Variants in MPP7 observed in about 807,000 individuals in gnomAD.
MPP7 encodes MAGUK p55 scaffold protein 7, also known as MAGUK p55 subfamily member 7.
In MPP7, 60 loss-of-function variants were observed where a neutral mutation model predicts 76.5. The observed-to-expected ratio is 0.78, with a 90% confidence interval of 0.64 to 0.97. The LOEUF is 0.97. MPP7 is among the 50% of genes least tolerant of loss of function. The pLI, the probability that MPP7 is intolerant of heterozygous loss-of-function variation, is 0.00. For synonymous variants in MPP7, 237 were observed against 244.5 expected (o/e 0.97, Z 0.29); for missense variants, 641 against 694.0 (o/e 0.92, Z 0.86).
At position 28,052,879 on chromosome 10, in the gene MPP7, C is replaced by T. The variant is rs1218319583; in HGVS notation, c.*1186G>A. On this transcript the variant is annotated 3_prime_UTR_variant, in exon 17 of 17. Coordinates refer to ENST00000683449, the MANE Select transcript of MPP7 (RefSeq NM_001318170.2). ...CGGCAGGATATGCTCTCTTATAGAA[C>T]GGATAGACATTTCTAGCATTTTGAA... 2.6e-5 allele frequency: 4 copies of T among 151,890 alleles called. No homozygotes were observed. The East Asian group carries it at 5.8e-4, about 22-fold the overall frequency. The allele number at this position is 151,890 out of a possible 1,614,324, so 9.4% of individuals were successfully genotyped here.
chr10:28,141,328 T>C lies in MPP7; in HGVS notation c.315+6155A>G, dbSNP rs79831546. ...AAAAGTACAGAAAAACAAAAGCATATCCTGTTTTTACTACAAGTTTTGAGC... is the reference window on the plus strand; with the variant it reads ...AAAAGTACAGAAAAACAAAAGCATACCCTGTTTTTACTACAAGTTTTGAGC... On this transcript the variant is annotated intron_variant, in intron 5 of 16. Transcript: ENST00000683449. Among the ~76,000 whole-genome samples, 1,474 of 152,078 alleles carry C rather than the reference T, an allele frequency of 9.7e-3. 37 individuals are homozygous for C. The highest frequency in any genetic ancestry group is 0.076 in the East Asian group (395 of 5,178).
chr10:28,059,501 C>A, intron 14 of MPP7, 149 bp downstream of exon 14: 1 of 543,834 alleles, frequency 1.8e-6, no homozygotes, highest in Non-Finnish European at 3.2e-6. Flanking sequence ...CAATAATTAC[C>A]AACCAAATTA....
intron 3 of MPP7, among the ~76,000 whole-genome samples, chr10:28,195,326 T>C (rs1564693086): frequency 6.6e-6 from 1 of 152,088 alleles, no homozygotes; most frequent in Non-Finnish European, 1.5e-5. Context: ...CTTAGAAAAA[T>C]AGTCTAACAG....
intron 1 of MPP7, among the ~76,000 whole-genome samples, chr10:28,294,173 G>A (rs1477422606): frequency 6.6e-6 from 1 of 152,174 alleles, no homozygotes; most frequent in Non-Finnish European, 1.5e-5. Context: ...CCGGGTGCCT[G>A]TAGTCCAGTT....
chr10:28,165,749 G>C (rs1256011540), intron 3 of MPP7, among the ~76,000 whole-genome samples: 5 of 152,068 alleles, frequency 3.3e-5, no homozygotes, highest in Admixed American at 3.3e-4. Flanking sequence ...TCCTGGCCAG[G>C]CGTGGTGGCT....
chr10:28,272,012 AG>A (rs994106406), intron 1 of MPP7, among the ~76,000 whole-genome samples: 11 of 152,010 alleles, frequency 7.2e-5, no homozygotes, highest in Admixed American at 2.0e-4. Flanking sequence ...GGCACTTACA[AG>A]GATGCATGTT....
intron 2 of MPP7, among the ~76,000 whole-genome samples, chr10:28,213,838 TCAGAGCCTCTGGGTTTCC>T (rs67776736): frequency 0.18 from 26,070 of 146,328 alleles, 2,589 homozygotes; most frequent in African/African-American, 0.27. Flanking sequence ...AGAAGGTTGG[TCAGAGCCTCTGGGTTTCC>T]CAGAGGGAAT....
At chr10:28,277,833 T>G (rs1443868736) in intron 1 of MPP7, among the ~76,000 whole-genome samples, 1 of 152,000 alleles carries the variant, frequency 6.6e-6, no homozygotes, top group East Asian at 1.9e-4. Context: ...AGTGAAAAAT[T>G]AAAGAGGTAT....
At chr10:28,244,747 G>A (rs1839377231) in intron 1 of MPP7, among the ~76,000 whole-genome samples, 1 of 152,146 alleles carries the variant, frequency 6.6e-6, no homozygotes, top group Non-Finnish European at 1.5e-5. Context: ...AAGGCTGCTA[G>A]GAAAGTCTGC....
chr10:28,220,893 T>TA (rs1487179048), intron 2 of MPP7, among the ~76,000 whole-genome samples: 1 of 152,178 alleles, frequency 6.6e-6, no homozygotes, highest in African/African-American at 2.4e-5. Context: ...CAGTAGCTTC[T>TA]ATTGTCATCT....
chr10:28,132,182 T>A (rs1835214980), intron 5 of MPP7, among the ~76,000 whole-genome samples: 1 of 152,212 alleles, frequency 6.6e-6, no homozygotes, highest in Admixed American at 6.5e-5. Context: ...TTCTTTTGTC[T>A]TTTTCCTCAC....
intron 12 of MPP7, among the ~76,000 whole-genome samples, chr10:28,076,486 C>A (rs967963184): frequency 2.6e-5 from 4 of 152,060 alleles, no homozygotes; most frequent in Non-Finnish European, 5.9e-5. Flanking sequence ...AATGAAGGTA[C>A]CTTCTAAGTA....
intron 2 of MPP7, among the ~76,000 whole-genome samples, chr10:28,206,046 C>T (rs1837940432): frequency 6.6e-6 from 1 of 152,178 alleles, no homozygotes; most frequent in South Asian, 2.1e-4. Flanking sequence ...CGATCTTGGA[C>T]TTCCCAGCCT....
rs1275218973 is a variant in MPP7 at position 28,119,715 on chromosome 10, C to T, written c.888G>A (p.Arg296=). The T allele has an allele frequency of 6.2e-7, 1 of 1,613,358 alleles. No individual in the cohort carries two copies. The highest frequency in any genetic ancestry group is 1.7e-5 in the Admixed American group (1 of 59,990). Residue 296 remains arginine (R), a splice_region_variant and synonymous_variant, in exon 11 of 17, where the codon AGG becomes AGA. Coordinates refer to ENST00000683449, the MANE Select transcript of MPP7 (RefSeq NM_001318170.2). The part of the protein sequence containing the change: ...GLIPSKHFQE[R]RLALRRPEIL... ...TTTCTGGTCGTCTCAAAGCCAATCT[C>T]CTGGGAGAAAGAAGGTCAACATACC...
At position 28,108,551 on chromosome 10, in the gene MPP7, C is replaced by T. The variant is rs537225126; in HGVS notation, c.952+11100G>A. 6.6e-5 allele frequency among the ~76,000 whole-genome samples: 10 copies of T among 151,722 alleles called. No homozygotes were observed. In the South Asian group the frequency reaches 8.3e-4, roughly 13 times the overall value. On this transcript the variant is annotated intron_variant, in intron 11 of 16. Transcript: ENST00000683449. ...GCAGGCCTGTAGTCCAAGCTACTTG[C>T]GAGGCTGAGGTGGGAGGATGGTTTG... is the stretch of plus-strand genomic sequence containing the variant.
At chr10:28,074,494 C>T (rs1023316986) in intron 12 of MPP7, among the ~76,000 whole-genome samples, 26 of 152,164 alleles carry the variant, frequency 1.7e-4, no homozygotes, top group Admixed American at 7.9e-4. Flanking sequence ...GGCAGGGTTT[C>T]GCAATGTTGG....
intron 1 of MPP7, among the ~76,000 whole-genome samples, chr10:28,252,720 C>T (rs958698374): frequency 1.3e-5 from 2 of 152,066 alleles, no homozygotes; most frequent in African/African-American, 2.4e-5. Context: ...CTCTTCATAG[C>T]GGACATTCAA....
chr10:28,072,574 C>T (rs1334044514), intron 12 of MPP7, among the ~76,000 whole-genome samples: 4 of 152,236 alleles, frequency 2.6e-5, no homozygotes, highest in African/African-American at 9.6e-5. Context: ...ACTTTAGTAC[C>T]TGACCCTTGT....
chr10:28,091,937 C>T (rs1394636709), intron 11 of MPP7, among the ~76,000 whole-genome samples: 4 of 152,142 alleles, frequency 2.6e-5, no homozygotes, highest in South Asian at 4.1e-4. Context: ...CATTTTATAT[C>T]GGGGCTTGAG....
Sources: allele counts gnomAD v4.1 joint callset (sites outside exome capture counted in the v4.1 genomes callset), GRCh38; gene constraint gnomAD v4.1.1; transcripts MANE v1.5; gene names NCBI Gene and HGNC (gene_info 2026-07-23, HGNC 2026-07-21).